The following SGPP2 variants were observed in gnomAD, a reference collection of about 807,000 sequenced individuals.
The protein encoded by SGPP2 is sphingosine 1-phosphate phosphohydrolase 2.
In SGPP2, 30 loss-of-function variants were observed where a neutral mutation model predicts 33.9. The observed-to-expected ratio is 0.89, with a 90% confidence interval of 0.66 to 1.20. The LOEUF (loss-of-function observed/expected upper bound fraction) is 1.20, where lower values mean the gene tolerates loss of function less well. SGPP2 is among the 50% of genes most tolerant of loss of function. The pLI, the probability that SGPP2 is intolerant of heterozygous loss-of-function variation, is 0.00. For missense variants in SGPP2, 458 were observed against 532.1 expected, an observed-to-expected ratio of 0.86 and a Z score of 1.37; for synonymous variants, 233 against 225.0, an observed-to-expected ratio of 1.04 and a Z score of -0.32.
intron 2 of SGPP2, among the ~76,000 whole-genome samples, chr2:222,486,321 G>A (rs1363436064): frequency 1.3e-5 from 2 of 152,144 alleles, no homozygotes; most frequent in African/African-American, 4.8e-5. Flanking sequence ...CTGGCCAGTG[G>A]TCTCCTTGCT....
chr2:222,443,335 C>T (rs1486752018), intron 1 of SGPP2, among the ~76,000 whole-genome samples: 1 of 152,056 alleles, frequency 6.6e-6, no homozygotes, highest in Non-Finnish European at 1.5e-5. Flanking sequence ...AGGTAGTGAC[C>T]ATAGTACCTG....
At chr2:222,497,776 A>G (rs902026901) in intron 2 of SGPP2, among the ~76,000 whole-genome samples, 2 of 152,198 alleles carry the variant, frequency 1.3e-5, no homozygotes, top group African/African-American at 4.8e-5. Flanking sequence ...CAAGTAATCA[A>G]TACAGGAATT....
chr2:222,554,667 G>A (rs1177262195), intron 4 of SGPP2, among the ~76,000 whole-genome samples: 1 of 152,108 alleles, frequency 6.6e-6, no homozygotes, highest in Non-Finnish European at 1.5e-5. Flanking sequence ...CCGCATCTCT[G>A]TCAGCAGGGA....
At chr2:222,538,603 CT>C (rs1336778935) in intron 4 of SGPP2, among the ~76,000 whole-genome samples, 1 of 152,102 alleles carries the variant, frequency 6.6e-6, no homozygotes, top group Admixed American at 6.5e-5. Flanking sequence ...ATGAAGCTTC[CT>C]TGTTTTAATT....
intron 1 of SGPP2, among the ~76,000 whole-genome samples, chr2:222,437,418 T>C (rs1697258142): frequency 6.6e-6 from 1 of 152,236 alleles, no homozygotes; most frequent in South Asian, 2.1e-4. Flanking sequence ...AGCTGTCCAC[T>C]TTCGGGTGGT....
intron 1 of SGPP2, among the ~76,000 whole-genome samples, chr2:222,427,975 A>G (rs574055272): frequency 2.0e-5 from 3 of 152,314 alleles, no homozygotes; most frequent in Admixed American, 6.5e-5. Flanking sequence ...AATTTCACAG[A>G]AAGTCTGAGT....
chr2:222,507,111 A>C (rs1001193973), intron 2 of SGPP2, among the ~76,000 whole-genome samples: 1 of 152,156 alleles, frequency 6.6e-6, no homozygotes, highest in Non-Finnish European at 1.5e-5. Context: ...TTAAAGAACT[A>C]GTCATTAATA....
At chr2:222,508,251 A>C (rs190151358) in intron 2 of SGPP2, among the ~76,000 whole-genome samples, 3 of 152,352 alleles carry the variant, frequency 2.0e-5, no homozygotes, top group Admixed American at 2.0e-4. Flanking sequence ...ATAGATAACT[A>C]TTCTCATGTA....
chr2:222,538,455 A>C (rs908716979), intron 4 of SGPP2, among the ~76,000 whole-genome samples: 4 of 152,194 alleles, frequency 2.6e-5, no homozygotes, highest in Admixed American at 2.6e-4. Flanking sequence ...GAGTGAAAAA[A>C]AGCAAGGTGA....
At chr2:222,457,230 C>T (rs1697586706) in intron 1 of SGPP2, among the ~76,000 whole-genome samples, 2 of 151,850 alleles carry the variant, frequency 1.3e-5, no homozygotes, top group East Asian at 1.9e-4. Context: ...ATGAGGCATA[C>T]ATGAAGGTAA....
chr2:222,437,909 A>G (rs370693238), intron 1 of SGPP2, among the ~76,000 whole-genome samples: 1 of 152,170 alleles, frequency 6.6e-6, no homozygotes. Context: ...AAAGGCTCCA[A>G]ATAGCATCCC....
At chr2:222,491,143 AT>A (rs939188461) in intron 2 of SGPP2, among the ~76,000 whole-genome samples, 24 of 105,584 alleles carry the variant, frequency 2.3e-4, no homozygotes, top group Admixed American at 6.4e-4. Context: ...CCAAATATAT[AT>A]TTTTTTTTGA....
intron 2 of SGPP2, among the ~76,000 whole-genome samples, chr2:222,492,443 G>A (rs191675002): frequency 6.6e-6 from 1 of 152,240 alleles, no homozygotes; most frequent in Non-Finnish European, 1.5e-5. Flanking sequence ...TGAAGCAATG[G>A]CCTGAACTAT....
chr2:222,476,484 G>A lies in SGPP2; in HGVS notation c.378+1758G>A, dbSNP rs78701408. ...AATCTGAGAGTCTGCAAAAGCATAG[G>A]CATCTTGCAAATCATAAAGAGAACG... is the stretch of plus-strand genomic sequence containing the variant. On this transcript the variant is annotated intron_variant, in intron 2 of 4. Coordinates refer to ENST00000321276, the MANE Select transcript of SGPP2 (RefSeq NM_152386.4). This position sits in a 1 kb window ranked among gnomAD's most constrained non-coding sequence, Gnocchi z 4.3. 8.0e-4 allele frequency among the ~76,000 whole-genome samples: 122 copies of A among 152,190 alleles called. No homozygotes were observed. The highest frequency in any genetic ancestry group is 3.4e-3 in the Middle Eastern group (1 of 294).
rs150610359 is a variant in SGPP2 at position 222,560,679 on chromosome 2, A to T, written c.*1781A>T. 7.2e-4 allele frequency: 110 copies of T among 152,370 alleles called. No individual in the cohort carries two copies. The highest frequency in any genetic ancestry group is 2.5e-3 in the African/African-American group (104 of 41,586). 9.4% of individuals were successfully genotyped at this position (152,370 alleles called of 1,614,324 possible). A position where few individuals can be genotyped will look rare whatever the true frequency, so the allele number is the denominator to read the frequency against. On this transcript the variant is annotated 3_prime_UTR_variant, in exon 5 of 5. Transcript: ENST00000321276. ...CACCATGTGCATACTCTAGAAAAAA[A>T]AATAGCTTCCTTAAAAGTTACAGAG...
intron 4 of SGPP2, among the ~76,000 whole-genome samples, chr2:222,549,601 A>G (rs947647754): frequency 1.6e-4 from 12 of 76,950 alleles, no homozygotes; most frequent in Non-Finnish European, 3.1e-4. Flanking sequence ...TGTTTCCTGT[A>G]ATGAGAATAT....
chr2:222,481,330 C>A (rs576892574), intron 2 of SGPP2, among the ~76,000 whole-genome samples: 1 of 152,260 alleles, frequency 6.6e-6, no homozygotes, highest in Admixed American at 6.5e-5. Context: ...ATTTTTCATA[C>A]TTTTATTAAT....
chr2:222,446,350 C>G (rs1381775622), intron 1 of SGPP2, among the ~76,000 whole-genome samples: 2 of 151,704 alleles, frequency 1.3e-5, no homozygotes, highest in Admixed American at 6.6e-5. Context: ...CCAAGAAAAC[C>G]TTTTTTCTTA....
intron 2 of SGPP2, among the ~76,000 whole-genome samples, chr2:222,489,685 G>C (rs1034035853): frequency 6.6e-6 from 1 of 152,138 alleles, no homozygotes; most frequent in African/African-American, 2.4e-5. Context: ...AACTCTGTGG[G>C]CGGTGTGCGG....
Sources: gnomAD v4.1 joint callset for allele counts (sites outside exome capture counted in the v4.1 genomes callset) on GRCh38, gnomAD v4.1.1 for gene constraint, Gnocchi (gnomAD v3.1) non-coding constraint, MANE v1.5 for transcripts, NCBI Gene and HGNC (gene_info 2026-07-23, HGNC 2026-07-21) for gene names.